The following CLIC4 variants were observed in gnomAD, a reference collection of about 807,000 sequenced individuals.
The protein encoded by CLIC4 is chloride intracellular channel protein 4.
CLIC4 carries 13 observed loss-of-function variants against 24.6 expected under a neutral mutation model. The observed-to-expected ratio is 0.53, with a 90% confidence interval of 0.34 to 0.84. The LOEUF is 0.84. CLIC4 is among the 40% of genes least tolerant of loss of function. The pLI is 0.01. For synonymous variants in CLIC4, 104 were observed against 111.3 expected, an observed-to-expected ratio of 0.93 and a Z score of 0.41; for missense variants, 227 against 301.7, an observed-to-expected ratio of 0.75 and a Z score of 1.83.
intron 1 of CLIC4, among the ~76,000 whole-genome samples, chr1:24,785,637 A>T (rs1639257215): frequency 6.6e-6 from 1 of 152,154 alleles, no homozygotes; most frequent in Non-Finnish European, 1.5e-5. Flanking sequence ...GCGGATCATG[A>T]GGTCAGGAGT....
chr1:24,808,705 C>T (rs1422697910), intron 2 of CLIC4, among the ~76,000 whole-genome samples: 2 of 142,936 alleles, frequency 1.4e-5, no homozygotes, highest in African/African-American at 2.6e-5. Flanking sequence ...GAGATGGAGT[C>T]TCACTCTGTC....
At chr1:24,786,212 A>T (rs570071847) in intron 1 of CLIC4, among the ~76,000 whole-genome samples, 7 of 152,366 alleles carry the variant, frequency 4.6e-5, no homozygotes, top group African/African-American at 1.7e-4. Context: ...ACATAAATAA[A>T]GAGAAGAATG....
chr1:24,808,677 A>AT (rs1307648064), intron 2 of CLIC4, among the ~76,000 whole-genome samples: 10 of 105,424 alleles, frequency 9.5e-5, no homozygotes, highest in East Asian at 2.4e-4. Context: ...CTATCTATAA[A>AT]ATTTTTTTTT....
At chr1:24,781,087 CA>C (rs1228000908) in intron 1 of CLIC4, among the ~76,000 whole-genome samples, 21,142 of 61,778 alleles carry the variant, frequency 0.34, 1,752 homozygotes, top group Non-Finnish European at 0.4. Context: ...AACTCCATCT[CA>C]AAAAAAAAAA....
chr1:24,784,556 C>A (rs1639242397), intron 1 of CLIC4, among the ~76,000 whole-genome samples: 1 of 152,048 alleles, frequency 6.6e-6, no homozygotes, highest in East Asian at 1.9e-4. Flanking sequence ...TTCTTCTAGC[C>A]CTGGTAATTG....
intron 2 of CLIC4, among the ~76,000 whole-genome samples, chr1:24,803,397 A>G (rs1639512604): frequency 1.3e-5 from 2 of 152,146 alleles, no homozygotes; most frequent in Non-Finnish European, 2.9e-5. Context: ...GTTACATGAC[A>G]TTTCATCCAT....
At chr1:24,815,395 G>A (rs1286832927) in intron 3 of CLIC4, among the ~76,000 whole-genome samples, 4 of 152,084 alleles carry the variant, frequency 2.6e-5, no homozygotes, top group African/African-American at 9.7e-5. Flanking sequence ...CCAGCTACTC[G>A]GGAGGCTGAG....
chr1:24,816,304 A>T (rs1328013160), intron 3 of CLIC4, among the ~76,000 whole-genome samples: 1 of 130,928 alleles, frequency 7.6e-6, no homozygotes, highest in East Asian at 2.3e-4. Flanking sequence ...CAGTGATGCG[A>T]TCTCGGCTCA....
chr1:24,775,379 T>G (rs1333328502), intron 1 of CLIC4, among the ~76,000 whole-genome samples: 1 of 151,682 alleles, frequency 6.6e-6, no homozygotes, highest in African/African-American at 2.4e-5. Context: ...TTGAAATATT[T>G]TTTTCCTCAT....
At chr1:24,801,135 C>G (rs937887237) in intron 2 of CLIC4, among the ~76,000 whole-genome samples, 2 of 151,766 alleles carry the variant, frequency 1.3e-5, no homozygotes, top group East Asian at 1.9e-4. Flanking sequence ...GTGGATTCCT[C>G]TTGATGCAAG....
intron 1 of CLIC4, among the ~76,000 whole-genome samples, chr1:24,784,636 A>G (rs1639242824): frequency 1.3e-5 from 2 of 152,208 alleles, no homozygotes; most frequent in South Asian, 4.1e-4. Flanking sequence ...TGAAGAGCAG[A>G]TTTCATGAAT....
At chr1:24,807,795 CTGTT>C (rs1639568495) in intron 2 of CLIC4, among the ~76,000 whole-genome samples, 1 of 152,130 alleles carries the variant, frequency 6.6e-6, no homozygotes, top group African/African-American at 2.4e-5. Context: ...TTAAAAAAAA[CTGTT>C]TGTGAAAAAC....
intron 1 of CLIC4, among the ~76,000 whole-genome samples, chr1:24,795,759 G>A (rs1349954574): frequency 1.3e-5 from 2 of 152,070 alleles, no homozygotes; most frequent in Non-Finnish European, 2.9e-5. Flanking sequence ...TCGTAGAGAC[G>A]GAGTTTCACT....
At chr1:24,840,743 C>T (rs113408758) in intron 5 of CLIC4, 30 bp from the exon 6 acceptor site, 23 of 1,557,928 alleles carry the variant, frequency 1.5e-5, no homozygotes, top group Non-Finnish European at 1.9e-5. Context: ...GGAAATAAGT[C>T]TGTTAACTTT....
intron 1 of CLIC4, among the ~76,000 whole-genome samples, chr1:24,784,584 T>G (rs987071659): frequency 2.0e-5 from 3 of 152,192 alleles, no homozygotes; most frequent in African/African-American, 7.2e-5. Flanking sequence ...TGATGTAATT[T>G]CAAGCTAATC....
chr1:24,826,711 C>T (rs1557814177), intron 3 of CLIC4, among the ~76,000 whole-genome samples: 2 of 152,180 alleles, frequency 1.3e-5, no homozygotes, highest in Non-Finnish European at 2.9e-5. Context: ...TCCCATTGGC[C>T]TGGCAGAAAT....
At position 24,795,073 on chromosome 1, in the gene CLIC4, A is replaced by G. The variant is rs895288849; in HGVS notation, c.73-2669A>G. On this transcript the variant is annotated intron_variant, in intron 1 of 5. Transcript: ENST00000374379. ...AGGAGGGAGAGGATCAGAAATAACTATTGGGCTCTAGGCTTTGTACCTGGG... is the reference window on the plus strand; with the variant it reads ...AGGAGGGAGAGGATCAGAAATAACTGTTGGGCTCTAGGCTTTGTACCTGGG... Among the ~76,000 whole-genome samples, 4 of 152,120 alleles carry G rather than the reference A, an allele frequency of 2.6e-5. No homozygotes were observed. The East Asian group carries it at 5.8e-4, about 22-fold the overall frequency.
chr1:24,750,254 A>G (rs769654793), intron 1 of CLIC4, among the ~76,000 whole-genome samples: 12 of 152,018 alleles, frequency 7.9e-5, no homozygotes, highest in Non-Finnish European at 1.5e-4. Flanking sequence ...CGGGAGGAAA[A>G]CAACAAAGGC....
intron 4 of CLIC4, among the ~76,000 whole-genome samples, chr1:24,835,868 T>C (rs1639881170): frequency 1.3e-5 from 2 of 152,154 alleles, no homozygotes; most frequent in African/African-American, 2.4e-5. Context: ...GAACCAGAGT[T>C]TTTAGTAATG....
Sources: gnomAD v4.1 joint callset for allele counts (sites outside exome capture counted in the v4.1 genomes callset) on GRCh38, gnomAD v4.1.1 for gene constraint, MANE v1.5 for transcripts, NCBI Gene and HGNC (gene_info 2026-07-23, HGNC 2026-07-21) for gene names.